BACH2: variants seen among roughly 807,000 people sequenced by gnomAD.
BACH2 encodes BACH transcriptional regulator 2, also known as transcription regulator protein BACH2.
BACH2 carries 5 observed loss-of-function variants against 61.8 expected under a neutral mutation model. The ratio of observed to expected loss-of-function variants is 0.08; its 90% CI spans 0.04 to 0.17. The LOEUF (loss-of-function observed/expected upper bound fraction) is 0.17. Among genes scored for constraint, BACH2 ranks in the 10% least tolerant of loss-of-function variants. The pLI is 1.00. For synonymous variants in BACH2, 446 were observed against 440.1 expected, an observed-to-expected ratio of 1.01 and a Z score of -0.17; for missense variants, 824 against 1,091.1, an observed-to-expected ratio of 0.76 and a Z score of 3.45.
intron 3 of BACH2, among the ~76,000 whole-genome samples, chr6:90,235,263 G>A (rs1282134079): frequency 1.2e-4 from 19 of 152,158 alleles, no homozygotes; most frequent in Non-Finnish European, 4.4e-5. Context: ...GAGTCCATCT[G>A]CATGGGTTCA....
At chr6:90,275,337 A>G (rs1200929200) in intron 1 of BACH2, among the ~76,000 whole-genome samples, 1 of 152,162 alleles carries the variant, frequency 6.6e-6, no homozygotes, top group Non-Finnish European at 1.5e-5. Context: ...CTTGAAAATT[A>G]TTTGGTTTCT....
intron 5 of BACH2, among the ~76,000 whole-genome samples, chr6:90,064,273 T>C (rs1168859563): frequency 1.3e-5 from 2 of 152,084 alleles, no homozygotes. Context: ...GGAAGCAGCA[T>C]GGAGGGGGTG....
chr6:90,201,736 AG>A (rs1768963590), intron 4 of BACH2, among the ~76,000 whole-genome samples: 1 of 152,190 alleles, frequency 6.6e-6, no homozygotes, highest in Non-Finnish European at 1.5e-5. Context: ...CTTTATTCTA[AG>A]ATCATTTAAT....
intron 6 of BACH2, among the ~76,000 whole-genome samples, chr6:89,981,299 T>C (rs376638159): frequency 4.0e-5 from 5 of 125,108 alleles, no homozygotes; most frequent in Non-Finnish European, 8.7e-5. Context: ...GCCTGGCTAA[T>C]TTTTTTTTTC....
chr6:90,029,432 C>T (rs532475635), intron 5 of BACH2, among the ~76,000 whole-genome samples: 23 of 152,248 alleles, frequency 1.5e-4, no homozygotes, highest in African/African-American at 3.9e-4. Context: ...CTCAGTGAGG[C>T]CTCCCTAACC....
chr6:90,157,969 G>A (rs529931701), intron 4 of BACH2, among the ~76,000 whole-genome samples: 70 of 152,226 alleles, frequency 4.6e-4, no homozygotes, highest in African/African-American at 1.4e-3. Context: ...TATTAAGTGC[G>A]ATGTTGGAAA....
rs1772420234 is a variant in BACH2, at chr6:89,927,560, G to GAA, written c.*4846_*4847dup. The GAA allele has an allele frequency of 2.0e-5, 3 of 152,812 alleles. No individual in the cohort carries two copies. Among genetic ancestry groups the GAA allele is most frequent in the Non-Finnish European group, 4.4e-5 (3 of 68,044 alleles). 9.5% of individuals were successfully genotyped at this position (152,812 alleles called of 1,614,324 possible). On this transcript the variant is annotated 3_prime_UTR_variant, in exon 9 of 9. Coordinates refer to ENST00000257749, the MANE Select transcript of BACH2 (RefSeq NM_021813.4). ...GAGGTCAATAAACTGGAATGAGAAT[G>GAA]AAAGTCAGAGCTGTTTATCCATTGC... is the stretch of plus-strand genomic sequence containing the variant.
At chr6:90,228,101 G>C (rs949009268) in intron 3 of BACH2, among the ~76,000 whole-genome samples, 1 of 152,196 alleles carries the variant, frequency 6.6e-6, no homozygotes, top group Non-Finnish European at 1.5e-5. Flanking sequence ...CAGTACATTT[G>C]CAAACTTGCC....
At chr6:90,085,974 C>A (rs940047970) in intron 5 of BACH2, among the ~76,000 whole-genome samples, 3 of 150,466 alleles carry the variant, frequency 2.0e-5, no homozygotes, top group Non-Finnish European at 4.4e-5. Context: ...ATCCATTGAA[C>A]AACAACTTTC....
intron 3 of BACH2, among the ~76,000 whole-genome samples, chr6:90,246,264 C>T (rs1280121273): frequency 1.3e-5 from 2 of 152,180 alleles, no homozygotes; most frequent in African/African-American, 4.8e-5. Flanking sequence ...GAGTTGATTA[C>T]TGTACTTTTA....
intron 7 of BACH2, among the ~76,000 whole-genome samples, chr6:89,944,056 G>A (rs1289899929): frequency 6.6e-6 from 1 of 152,220 alleles, no homozygotes; most frequent in Non-Finnish European, 1.5e-5. Flanking sequence ...AATGTTTCTC[G>A]CGCAATTGTC....
At chr6:90,206,351 C>A (rs1239742663) in intron 4 of BACH2, among the ~76,000 whole-genome samples, 1 of 152,110 alleles carries the variant, frequency 6.6e-6, no homozygotes, top group Non-Finnish European at 1.5e-5. Flanking sequence ...CACTCAGAGG[C>A]CCCTGGCAAG....
chr6:90,244,772 A>T (rs955135662), intron 3 of BACH2, among the ~76,000 whole-genome samples: 2 of 152,132 alleles, frequency 1.3e-5, no homozygotes, highest in African/African-American at 4.8e-5. Flanking sequence ...AGCTGCTTCT[A>T]TTGCCCCCTC....
rs962000119 is a variant in BACH2 at position 90,074,979 on chromosome 6, G to A, written c.-13+13982C>T. ...ATGGAAGAGAATCTAAGCTAGTTCC[G>A]TTTTAGATGTTGTTAAATCCCTTTG... is the stretch of plus-strand genomic sequence containing the variant. On this transcript the variant is annotated intron_variant, in intron 5 of 8. Coordinates refer to ENST00000257749, the MANE Select transcript of BACH2 (RefSeq NM_021813.4). Among the ~76,000 whole-genome samples the A allele has an allele frequency of 3.9e-5, 6 of 152,108 alleles. No homozygotes were observed. The East Asian group carries it at 5.8e-4, about 15-fold the overall frequency.
At chr6:90,231,951 A>G (rs990873263) in intron 3 of BACH2, among the ~76,000 whole-genome samples, 1 of 152,192 alleles carries the variant, frequency 6.6e-6, no homozygotes, top group African/African-American at 2.4e-5. Context: ...CAGACTTTCA[A>G]TAGACATGAT....
At chr6:90,061,738 G>T (rs1454245357) in intron 5 of BACH2, among the ~76,000 whole-genome samples, 3 of 152,158 alleles carry the variant, frequency 2.0e-5, no homozygotes, top group Non-Finnish European at 2.9e-5. Flanking sequence ...TGTCATGGAG[G>T]CTCAGAGAAA....
chr6:90,076,709 T>C (rs182082724), intron 5 of BACH2, among the ~76,000 whole-genome samples: 166 of 152,290 alleles, frequency 1.1e-3, no homozygotes, highest in African/African-American at 3.6e-3. Flanking sequence ...GTATCATTTA[T>C]ACTCCACCGT....
chr6:90,142,291 T>A (rs1311346920), intron 4 of BACH2, among the ~76,000 whole-genome samples: 3 of 152,196 alleles, frequency 2.0e-5, no homozygotes, highest in African/African-American at 7.2e-5. Context: ...TTGGGCTGTA[T>A]GTGATCTCTG....
chr6:90,246,220 C>T (rs1264651228), intron 3 of BACH2, among the ~76,000 whole-genome samples: 1 of 152,124 alleles, frequency 6.6e-6, no homozygotes, highest in Non-Finnish European at 1.5e-5. Context: ...CTCCCTTGAC[C>T]TTTAAATAAT....
Sources: gnomAD v4.1 joint callset for allele counts (sites outside exome capture counted in the v4.1 genomes callset) on GRCh38, gnomAD v4.1.1 for gene constraint, MANE v1.5 for transcripts, NCBI Gene and HGNC (gene_info 2026-07-23, HGNC 2026-07-21) for gene names.